UBE2D2: variants seen among roughly 807,000 people sequenced by gnomAD.
UBE2D2 encodes ubiquitin-conjugating enzyme E2 D2.
A neutral mutation model predicts 24.2 loss-of-function variants in UBE2D2; 2 were observed. The ratio of observed to expected loss-of-function variants is 0.08; its 90% CI spans 0.03 to 0.26. The LOEUF (loss-of-function observed/expected upper bound fraction) is 0.26, where lower values mean the gene tolerates loss of function less well. Ranked by LOEUF, UBE2D2 falls within the 10% of genes least tolerant of loss-of-function variation. UBE2D2 has a pLI of 1.00. For missense variants in UBE2D2, 44 were observed against 177.6 expected (o/e 0.25, Z 4.28); for synonymous variants, 58 against 56.5 (o/e 1.03, Z -0.12).
chr5:139,602,899 G>A (rs1053231558), intron 2 of UBE2D2, among the ~76,000 whole-genome samples: 8 of 152,154 alleles, frequency 5.3e-5, no homozygotes, highest in Admixed American at 4.6e-4. Flanking sequence ...TACCAAACAA[G>A]GCAGGCTAAG....
intron 1 of UBE2D2, among the ~76,000 whole-genome samples, chr5:139,529,199 G>A (rs1752572938): frequency 6.6e-6 from 1 of 152,126 alleles, no homozygotes; most frequent in African/African-American, 2.4e-5. Context: ...GTATAAAGTA[G>A]GTAATCCAGG....
In UBE2D2 at chr5:139,628,317, TA is replaced by T. The variant is rs1196596410; in HGVS notation, c.*1519del. 1.3e-5 allele frequency: 2 copies of T among 152,636 alleles called. No homozygotes were observed. The highest frequency in any genetic ancestry group is 1.3e-4 in the Admixed American group (2 of 15,282). The allele number at this position is 152,636 out of a possible 1,614,324, so 9.5% of individuals were successfully genotyped here. On this transcript the variant is annotated 3_prime_UTR_variant, in exon 7 of 7. Transcript: ENST00000398733. ...TTTTCCCCCCTTCTTTTCCTAATTGTAAACTAGGCCAACCTGAAAGCCATGG... is the reference window on the plus strand; with the variant it reads ...TTTTCCCCCCTTCTTTTCCTAATTGTAACTAGGCCAACCTGAAAGCCATGG...
At chr5:139,621,668 A>C (rs1462677534) in intron 5 of UBE2D2, among the ~76,000 whole-genome samples, 1 of 151,538 alleles carries the variant, frequency 6.6e-6, no homozygotes, top group East Asian at 1.9e-4. Flanking sequence ...TGTCACCCAG[A>C]TTGGAGTGCA....
rs1168084041 is a variant in UBE2D2 at position 139,555,924 on chromosome 5, C to CAAA, written c.-64+29340_-64+29342dup. ...CTGGTGACAAAGGAAGACTCCATCT[C>CAAA]AAAAAAAAAAAAAAAAAAAAAAAAA... On this transcript the variant is annotated intron_variant, in intron 1 of 6. Transcript: ENST00000511725. Among the ~76,000 whole-genome samples, 14 of 9,320 alleles carry CAAA rather than the reference C, an allele frequency of 1.5e-3. 1 individual carries two copies. The highest frequency in any genetic ancestry group is 2.4e-3 in the African/African-American group (6 of 2,490). The allele number at this position is 9,320 out of a possible 152,430, so 6.1% of individuals were successfully genotyped here. A position where few individuals can be genotyped will look rare whatever the true frequency, so the allele number is the denominator to read the frequency against.
chr5:139,559,401 G>A (rs1753024019), upstream of UBE2D2, among the ~76,000 whole-genome samples: 1 of 151,494 alleles, frequency 6.6e-6, no homozygotes, highest in Non-Finnish European at 1.5e-5. Flanking sequence ...ACTCCAGCCT[G>A]GGCGACAGAG....
At chr5:139,562,088 CCAGT>C in intron 1 of UBE2D2, 1 of 927,904 alleles carries the variant, frequency 1.1e-6, no homozygotes, top group East Asian at 2.8e-5. Flanking sequence ...GGGCTTCTCT[CCAGT>C]CTGGGACTGC....
chr5:139,613,395 G>A (rs1754363001), intron 2 of UBE2D2, among the ~76,000 whole-genome samples: 1 of 152,176 alleles, frequency 6.6e-6, no homozygotes, highest in South Asian at 2.1e-4. Flanking sequence ...AGTGTGCTAA[G>A]TAGTAGCTTA....
At chr5:139,600,151 T>G in intron 1 of UBE2D2, 1 of 624,144 alleles carries the variant, frequency 1.6e-6, no homozygotes, top group South Asian at 1.6e-5. Flanking sequence ...TGCTAAGCTC[T>G]GAACAAAGCA....
chr5:139,590,782 CTTTTTTTTTTTTT>C (rs57962602), intron 1 of UBE2D2, among the ~76,000 whole-genome samples: 141 of 38,420 alleles, frequency 3.7e-3, no homozygotes, highest in African/African-American at 6.8e-3. Flanking sequence ...TTCTCTTCTT[CTTTTTTTTTTTTT>C]TTTTTTTTTT....
intron 5 of UBE2D2, among the ~76,000 whole-genome samples, chr5:139,622,313 C>G (rs546630044): frequency 6.6e-6 from 1 of 151,610 alleles, no homozygotes; most frequent in Non-Finnish European, 1.5e-5. Flanking sequence ...GCTACGATCT[C>G]GGCTCACTGC....
intron 1 of UBE2D2, among the ~76,000 whole-genome samples, chr5:139,528,159 A>C (rs1226257480): frequency 1.3e-5 from 2 of 152,210 alleles, no homozygotes; most frequent in Non-Finnish European, 2.9e-5. Context: ...ACCTGAAGGG[A>C]TGCAGTGAGC....
chr5:139,579,553 G>A (rs1408104719), intron 1 of UBE2D2, among the ~76,000 whole-genome samples: 2 of 152,048 alleles, frequency 1.3e-5, no homozygotes, highest in Admixed American at 1.3e-4. Context: ...GCCTCCCAAA[G>A]TGCTGGGATT....
At chr5:139,619,850 T>C (rs2126706647) in intron 5 of UBE2D2, among the ~76,000 whole-genome samples, 1 of 147,802 alleles carries the variant, frequency 6.8e-6, no homozygotes, top group African/African-American at 2.5e-5. Flanking sequence ...GCAACAAGAG[T>C]GAAACTCCGT....
intron 1 of UBE2D2, among the ~76,000 whole-genome samples, chr5:139,586,494 A>T (rs531092931): frequency 1.3e-5 from 2 of 152,172 alleles, no homozygotes; most frequent in Non-Finnish European, 2.9e-5. Context: ...GGCTGGACAC[A>T]GTGGCTTACG....
chr5:139,609,928 C>T (rs978952667), intron 2 of UBE2D2, among the ~76,000 whole-genome samples: 3 of 151,856 alleles, frequency 2.0e-5, no homozygotes, highest in East Asian at 1.9e-4. Flanking sequence ...CCTGCCACTA[C>T]GCCCAGCTAA....
At chr5:139,593,788 A>AT (rs911163020) in intron 1 of UBE2D2, among the ~76,000 whole-genome samples, 11 of 151,756 alleles carry the variant, frequency 7.2e-5, no homozygotes, top group South Asian at 6.2e-4. Flanking sequence ...ATTAAAAAAA[A>AT]TTTTTTTTGT....
intron 2 of UBE2D2, among the ~76,000 whole-genome samples, chr5:139,613,580 C>T (rs1754366718): frequency 6.6e-6 from 1 of 152,114 alleles, no homozygotes; most frequent in Non-Finnish European, 1.5e-5. Context: ...CTAATATTTT[C>T]TTCTTAAATT....
chr5:139,557,780 C>G (rs1376137850), upstream of UBE2D2, among the ~76,000 whole-genome samples: 13 of 152,168 alleles, frequency 8.5e-5, no homozygotes, highest in Admixed American at 8.5e-4. Flanking sequence ...CAATATCCCT[C>G]ATGAACACAG....
rs147089259 is a variant in UBE2D2, at chr5:139,595,400, C to T, written c.25-4972C>T. Among the ~76,000 whole-genome samples, 3 of 151,172 alleles carry T rather than the reference C, an allele frequency of 2.0e-5. No homozygotes were observed. In the East Asian group the frequency reaches 5.8e-4, roughly 29 times the overall value. On this transcript the variant is annotated intron_variant, in intron 1 of 6. Coordinates refer to ENST00000398733, the MANE Select transcript of UBE2D2 (RefSeq NM_003339.3). ...TGACAGTTTTTTTTTTTCCTTGAGT[C>T]GGAGTCTCGCTCTTGTTACCCAAGC...
Sources: allele counts gnomAD v4.1 joint callset (sites outside exome capture counted in the v4.1 genomes callset), GRCh38; gene constraint gnomAD v4.1.1; transcripts MANE v1.5; gene names NCBI Gene and HGNC (gene_info 2026-07-23, HGNC 2026-07-21).